Variants in CFAP70 observed in about 807,000 individuals in gnomAD.
CFAP70 encodes the protein cilia and flagella associated protein 70.
CFAP70 carries 81 observed loss-of-function variants against 137.6 expected under a neutral mutation model. The observed-to-expected ratio is 0.59, with a 90% CI of 0.49 to 0.71. The LOEUF (loss-of-function observed/expected upper bound fraction) is 0.71, where lower values mean the gene tolerates loss of function less well. Among genes scored for constraint, CFAP70 ranks in the 30% least tolerant of loss-of-function variants. The pLI is 0.00. For missense variants in CFAP70, 976 were observed against 1,226.7 expected (o/e 0.80, Z 3.05); for synonymous variants, 382 against 423.6 (o/e 0.90, Z 1.20).
At chr10:73,267,616 T>G (rs1360458601) in intron 25 of CFAP70, among the ~76,000 whole-genome samples, 2 of 152,186 alleles carry the variant, frequency 1.3e-5, no homozygotes. Flanking sequence ...ATTATAAAAA[T>G]CTACTATAAG....
chr10:73,351,439 G>C (rs1482068576), intron 3 of CFAP70, among the ~76,000 whole-genome samples: 1 of 148,804 alleles, frequency 6.7e-6, no homozygotes, highest in Non-Finnish European at 1.5e-5. Flanking sequence ...GTTTGTTTTT[G>C]TTTTTGTTTT....
intron 6 of CFAP70, among the ~76,000 whole-genome samples, chr10:73,337,601 C>T (rs1355703623): frequency 6.6e-6 from 1 of 152,074 alleles, no homozygotes; most frequent in Non-Finnish European, 1.5e-5. Flanking sequence ...ATCTGGACTT[C>T]CTAAAGAAAA....
chr10:73,272,784 C>T, intron 24 of CFAP70, 144 bp downstream of exon 25: 1 of 754,492 alleles, frequency 1.3e-6, no homozygotes, highest in South Asian at 1.5e-5. Flanking sequence ...GTTCACTGAA[C>T]ACCTTTGAAG....
At chr10:73,310,989 T>C (rs761160733) in intron 11 of CFAP70, among the ~76,000 whole-genome samples, 6 of 152,160 alleles carry the variant, frequency 3.9e-5, no homozygotes, top group East Asian at 1.9e-4. Context: ...CTTTTTTTCA[T>C]ACCCTTGCAA....
intron 3 of CFAP70, among the ~76,000 whole-genome samples, chr10:73,350,764 G>C (rs1263650772): frequency 6.6e-6 from 1 of 151,564 alleles, no homozygotes; most frequent in Non-Finnish European, 1.5e-5. Context: ...ATTTTGGTTT[G>C]TTTGTTTGTT....
intron 9 of CFAP70, among the ~76,000 whole-genome samples, chr10:73,315,676 A>G (rs139810108): frequency 1.3e-5 from 2 of 152,202 alleles, no homozygotes; most frequent in African/African-American, 4.8e-5. Context: ...TGATCCACCT[A>G]CCTCAGCCTC....
chr10:73,290,757 AG>A (rs375898666), intron 19 of CFAP70, among the ~76,000 whole-genome samples: 16 of 152,166 alleles, frequency 1.1e-4, no homozygotes, highest in South Asian at 4.2e-4. Context: ...GAGAAAAGTG[AG>A]GGGGGAAAAA....
rs1292079920 is a variant in CFAP70, at chr10:73,351,122, GT to G, written c.250+2433del. On this transcript the variant is annotated intron_variant, in intron 3 of 26. Transcript: ENST00000310715. ...ATATATATATATATATGTATGTTTT[GT>G]TTTTTTTTTTTGTGAGACGGAGTCT... is the stretch of plus-strand genomic sequence containing the variant. 5.6e-3 allele frequency among the ~76,000 whole-genome samples: 369 copies of G among 65,794 alleles called. 1 individual carries two copies. The highest frequency in any genetic ancestry group is 0.011 in the Non-Finnish European group (313 of 28,398). The allele number at this position is 65,794 out of a possible 152,430, so 43.2% of individuals were successfully genotyped here. A position where few individuals can be genotyped will look rare whatever the true frequency, so the allele number is the denominator to read the frequency against.
chr10:73,330,672 A>C (rs995872425), intron 8 of CFAP70, among the ~76,000 whole-genome samples: 1 of 152,060 alleles, frequency 6.6e-6, no homozygotes, highest in African/African-American at 2.4e-5. Flanking sequence ...TGGAGGATGC[A>C]AATCAGCTTA....
chr10:73,336,971 GCAAGTA>G lies in CFAP70; in HGVS notation c.583-1453_583-1448del, dbSNP rs1210839984. On this transcript the variant is annotated intron_variant, in intron 6 of 26. Coordinates refer to ENST00000310715, the Ensembl canonical transcript of CFAP70. ...TGTCCATACAATGTCACATTATACA[GCAAGTA>G]CAAATAAAGAAAAAGAGTGAGACTG... is the stretch of plus-strand genomic sequence containing the variant. 7.9e-5 allele frequency among the ~76,000 whole-genome samples: 12 copies of G among 152,142 alleles called. No homozygotes were observed. The East Asian group carries it at 2.3e-3, about 29-fold the overall frequency.
intron 7 of CFAP70, among the ~76,000 whole-genome samples, chr10:73,334,012 C>T (rs2052378448): frequency 6.6e-6 from 1 of 152,116 alleles, no homozygotes; most frequent in African/African-American, 2.4e-5. Flanking sequence ...TATAAAAACT[C>T]TCTAAAATAT....
At position 73,273,037 on chromosome 10, in the gene CFAP70, C is replaced by G; in HGVS notation, c.2836-20G>C. 1 of 1,529,368 alleles carries G rather than the reference C, an allele frequency of 6.5e-7. No homozygotes were observed. Among genetic ancestry groups the G allele is most frequent in the East Asian group, 2.4e-5 (1 of 40,846 alleles). 94.7% of individuals were successfully genotyped at this position (1,529,368 alleles called of 1,614,324 possible). A position where few individuals can be genotyped will look rare whatever the true frequency, so the allele number is the denominator to read the frequency against. Reference sequence around the variant, plus strand: ...TTCATACTGTAGAAAGAAAGCACCACTAAGCTACTGTTCTAGAAGCTTCAA... The same window carrying G: ...TTCATACTGTAGAAAGAAAGCACCAGTAAGCTACTGTTCTAGAAGCTTCAA... On this transcript the variant is annotated intron_variant, in intron 23 of 26. Transcript: ENST00000310715.
At chr10:73,289,672 C>T (rs1589368856) in intron 19 of CFAP70, among the ~76,000 whole-genome samples, 1 of 152,084 alleles carries the variant, frequency 6.6e-6, no homozygotes, top group East Asian at 1.9e-4. Flanking sequence ...TTTGTCAAGA[C>T]TTATCAAGAG....
intron 14 of CFAP70, 127 bp downstream of exon 15, chr10:73,298,780 G>T: frequency 1.3e-6 from 1 of 753,666 alleles, no homozygotes; most frequent in Non-Finnish European, 2.1e-6. Context: ...AGAGAACTTA[G>T]CTCTTTGCCC....
chr10:73,268,650 T>C (rs1398386700), intron 25 of CFAP70, among the ~76,000 whole-genome samples: 2 of 152,072 alleles, frequency 1.3e-5, no homozygotes, highest in African/African-American at 4.8e-5. Context: ...TAGAGCTAGT[T>C]AGGGGAGAGC....
intron 15 of CFAP70, chr10:73,295,419 C>T (rs1398823956): frequency 6.6e-6 from 1 of 151,404 alleles, no homozygotes; most frequent in Admixed American, 6.6e-5. Context: ...GAAGAAAATC[C>T]CTATAACTTC....
At chr10:73,325,601 G>A (rs976497516) in intron 8 of CFAP70, among the ~76,000 whole-genome samples, 34 of 152,262 alleles carry the variant, frequency 2.2e-4, no homozygotes, top group African/African-American at 7.9e-4. Flanking sequence ...CATCTCACGT[G>A]CAGGGACACA....
intron 11 of CFAP70, 119 bp downstream of exon 12, chr10:73,311,715 C>G (rs999905822): frequency 2.3e-6 from 2 of 857,054 alleles, no homozygotes; most frequent in African/African-American, 3.4e-5. Flanking sequence ...GACAACTAGT[C>G]ATGGGCAAAT....
At chr10:73,315,216 C>CAA (rs58468801) in intron 9 of CFAP70, among the ~76,000 whole-genome samples, 28 of 63,916 alleles carry the variant, frequency 4.4e-4, no homozygotes, top group Admixed American at 1.4e-3. Flanking sequence ...GACCCCATCT[C>CAA]AAAAAAAAAA....
Sources: allele counts gnomAD v4.1 joint callset (sites outside exome capture counted in the v4.1 genomes callset), GRCh38; gene constraint gnomAD v4.1.1; transcripts MANE v1.5; gene names NCBI Gene and HGNC (gene_info 2026-07-23, HGNC 2026-07-21).